Variants in SEMA3E observed in about 807,000 individuals in gnomAD.
SEMA3E encodes semaphorin-3E.
A neutral mutation model predicts 93.6 loss-of-function variants in SEMA3E; 49 were observed. The observed-to-expected ratio is 0.52, with a 90% confidence interval of 0.42 to 0.66. The LOEUF (loss-of-function observed/expected upper bound fraction) is 0.66. Among genes scored for constraint, SEMA3E ranks in the 30% least tolerant of loss-of-function variants. SEMA3E has a pLI of 0.00. For synonymous variants in SEMA3E, 363 were observed against 330.7 expected, an observed-to-expected ratio of 1.10 and a Z score of -1.06; for missense variants, 906 against 964.8, an observed-to-expected ratio of 0.94 and a Z score of 0.81.
chr7:83,490,940 C>A (rs552572983), intron 1 of SEMA3E, among the ~76,000 whole-genome samples: 2 of 151,962 alleles, frequency 1.3e-5, no homozygotes, highest in Non-Finnish European at 2.9e-5. Flanking sequence ...GTTTGTTGAA[C>A]GTATTTAATT....
At chr7:83,399,457 A>G (rs1483184240) in intron 11 of SEMA3E, among the ~76,000 whole-genome samples, 1 of 152,212 alleles carries the variant, frequency 6.6e-6, no homozygotes, top group Non-Finnish European at 1.5e-5. Flanking sequence ...ACGTGAACTC[A>G]TAAGAATTGC....
chr7:83,434,954 C>T (rs577596104), intron 4 of SEMA3E, among the ~76,000 whole-genome samples: 20 of 151,876 alleles, frequency 1.3e-4, no homozygotes, highest in African/African-American at 4.3e-4. Context: ...ACCTCGTGAT[C>T]CGCCCGCCTC....
At chr7:83,394,971 G>C (rs1788093659) in intron 12 of SEMA3E, among the ~76,000 whole-genome samples, 1 of 152,198 alleles carries the variant, frequency 6.6e-6, no homozygotes, top group African/African-American at 2.4e-5. Flanking sequence ...CAGATCAGCT[G>C]TGCAAGTGGA....
At chr7:83,569,458 C>T (rs2115862483) in intron 1 of SEMA3E, among the ~76,000 whole-genome samples, 1 of 152,184 alleles carries the variant, frequency 6.6e-6, no homozygotes, top group Non-Finnish European at 1.5e-5. Context: ...GATTAAAAAA[C>T]AAGACCCAAC....
chr7:83,450,582 A>G (rs1196634494), intron 4 of SEMA3E, among the ~76,000 whole-genome samples: 1 of 152,076 alleles, frequency 6.6e-6, no homozygotes, highest in Non-Finnish European at 1.5e-5. Context: ...AAATCATAAT[A>G]GTGTTTATTT....
intron 1 of SEMA3E, among the ~76,000 whole-genome samples, chr7:83,534,988 G>T (rs1791384799): frequency 6.6e-6 from 1 of 152,076 alleles, no homozygotes; most frequent in East Asian, 1.9e-4. Context: ...CTAATCAACG[G>T]TCTCCCACTG....
chr7:83,595,649 A>T (rs984503995), intron 1 of SEMA3E, among the ~76,000 whole-genome samples: 1 of 151,988 alleles, frequency 6.6e-6, no homozygotes, highest in Middle Eastern at 3.2e-3. Context: ...CTTGATACTT[A>T]TAAAGTACAA....
chr7:83,583,720 G>T (rs1020774993), intron 1 of SEMA3E, among the ~76,000 whole-genome samples: 3 of 152,164 alleles, frequency 2.0e-5, no homozygotes, highest in Admixed American at 2.0e-4. Flanking sequence ...TGTCTTTCAT[G>T]TGATATGTTA....
At chr7:83,441,197 G>C in intron 4 of SEMA3E, among the ~76,000 whole-genome samples, 1 of 152,202 alleles carries the variant, frequency 6.6e-6, no homozygotes, top group East Asian at 1.9e-4. Flanking sequence ...AAAGGATTCT[G>C]CTACTGATTC....
At chr7:83,645,628 G>C (rs1164630250) in intron 1 of SEMA3E, among the ~76,000 whole-genome samples, 1 of 151,884 alleles carries the variant, frequency 6.6e-6, no homozygotes, top group Non-Finnish European at 1.5e-5. Flanking sequence ...AGAAGAGAGA[G>C]GGATTCAATA....
In SEMA3E at chr7:83,585,208, C is replaced by T. The variant is rs572773557; in HGVS notation, c.115+63220G>A. Among the ~76,000 whole-genome samples the T allele has an allele frequency of 1.1e-3, 174 of 152,284 alleles. 2 individuals carry two copies. Among genetic ancestry groups the T allele is most frequent in the African/African-American group, 4.1e-3 (172 of 41,572 alleles). On this transcript the variant is annotated intron_variant, in intron 1 of 16. Transcript: ENST00000643230. ...TTTACAGAGAAGCCTTCCCTGACCACTCTCACCATCCCACCTAAACAAAGA... is the reference window on the plus strand; with the variant it reads ...TTTACAGAGAAGCCTTCCCTGACCATTCTCACCATCCCACCTAAACAAAGA...
intron 2 of SEMA3E, among the ~76,000 whole-genome samples, chr7:83,487,682 C>CGT (rs71074667): frequency 0.024 from 3,447 of 144,476 alleles, 49 homozygotes; most frequent in African/African-American, 0.04. Flanking sequence ...GGCAGGAGGT[C>CGT]GTGTGTGTGT....
intron 9 of SEMA3E, 34 bp from the exon 10 acceptor site, chr7:83,402,810 G>C (rs1371939101): frequency 6.3e-7 from 1 of 1,593,556 alleles, no homozygotes; most frequent in Admixed American, 1.7e-5. Context: ...TATTCTTCTG[G>C]AACTAACTGC....
intron 3 of SEMA3E, among the ~76,000 whole-genome samples, chr7:83,467,122 T>A (rs10239189): frequency 0.12 from 17,396 of 143,620 alleles, 1,393 homozygotes; most frequent in South Asian, 0.26. Flanking sequence ...TGGAACACAG[T>A]GGTGTAATTT....
chr7:83,494,992 G>T (rs1167568960), intron 1 of SEMA3E, among the ~76,000 whole-genome samples: 2 of 151,760 alleles, frequency 1.3e-5, no homozygotes, highest in Admixed American at 1.3e-4. Flanking sequence ...ATGTGTATGG[G>T]GTCAGAGCAG....
rs140870373 is a variant in SEMA3E at position 83,385,048 on chromosome 7, A to G, written c.1875+246T>C. Reference sequence around the variant, plus strand: ...ATTCTTACTTCCAAGATCCAAATTAATGATTTCTATGTATGTGTATAGCAT... The same window carrying G: ...ATTCTTACTTCCAAGATCCAAATTAGTGATTTCTATGTATGTGTATAGCAT... On this transcript the variant is annotated intron_variant, in intron 16 of 16. Coordinates refer to ENST00000643230, the MANE Select transcript of SEMA3E (RefSeq NM_012431.3). Among the ~76,000 whole-genome samples, 70 of 151,082 alleles carry G rather than the reference A, an allele frequency of 4.6e-4. No homozygotes were observed. In the East Asian group the frequency reaches 0.01, roughly 22 times the overall value.
Position 83,489,334 on chromosome 7 carries a change from G to A in SEMA3E, c.276+780C>T, listed in dbSNP as rs146307135. ...GAAGAACCAGAAGAAACAACAAGAAGTTTAAAATTATTACCTCTAGGGATA... is the reference window on the plus strand; with the variant it reads ...GAAGAACCAGAAGAAACAACAAGAAATTTAAAATTATTACCTCTAGGGATA... On this transcript the variant is annotated intron_variant, in intron 2 of 16. Coordinates refer to ENST00000643230, the MANE Select transcript of SEMA3E (RefSeq NM_012431.3). Among the ~76,000 whole-genome samples the A allele has an allele frequency of 1.9e-3, 293 of 151,734 alleles. 1 individual carries two copies. The highest frequency in any genetic ancestry group is 6.5e-3 in the African/African-American group (267 of 41,370).
At chr7:83,638,942 T>C (rs1208547874) in intron 1 of SEMA3E, among the ~76,000 whole-genome samples, 2 of 150,476 alleles carry the variant, frequency 1.3e-5, no homozygotes, top group African/African-American at 4.9e-5. Flanking sequence ...AAACCCTGTC[T>C]CTACTAAAAA....
intron 14 of SEMA3E, among the ~76,000 whole-genome samples, 165 bp from the exon 15 acceptor site, chr7:83,387,215 T>A (rs1400237644): frequency 6.6e-6 from 1 of 152,212 alleles, no homozygotes; most frequent in Non-Finnish European, 1.5e-5. Context: ...CATATTTCCA[T>A]TATATGTTCT....
Sources: gnomAD v4.1 joint callset for allele counts (sites outside exome capture counted in the v4.1 genomes callset) on GRCh38, gnomAD v4.1.1 for gene constraint, MANE v1.5 for transcripts, NCBI Gene and HGNC (gene_info 2026-07-23, HGNC 2026-07-21) for gene names.